Variants in GRM8 observed in about 807,000 individuals in gnomAD.
GRM8 encodes the protein metabotropic glutamate receptor 8.
In GRM8, 47 loss-of-function variants were observed where a neutral mutation model predicts 87.2. That is an observed-to-expected ratio of 0.54 (90% CI 0.43 to 0.69). The LOEUF is 0.69. Ranked by LOEUF, GRM8 falls within the 30% of genes least tolerant of loss-of-function variation. The pLI is 0.00. For missense variants in GRM8, 1,019 were observed against 1,139.2 expected (o/e 0.89, Z 1.52); for synonymous variants, 396 against 404.5 (o/e 0.98, Z 0.25).
At chr7:126,668,279 G>A (rs1806009599) in intron 7 of GRM8, among the ~76,000 whole-genome samples, 1 of 152,142 alleles carries the variant, frequency 6.6e-6, no homozygotes, top group Non-Finnish European at 1.5e-5. Context: ...CCGTAGGACG[G>A]ACAAGGACCC....
intron 2 of GRM8, among the ~76,000 whole-genome samples, chr7:127,223,782 G>A (rs941599070): frequency 6.6e-6 from 1 of 152,024 alleles, no homozygotes; most frequent in Non-Finnish European, 1.5e-5. Flanking sequence ...GGGTTTCAAA[G>A]AGCAACTATA....
chr7:127,247,137 T>C (rs533971772), intron 1 of GRM8, among the ~76,000 whole-genome samples: 1 of 152,304 alleles, frequency 6.6e-6, no homozygotes, highest in South Asian at 2.1e-4. Flanking sequence ...TCTGGGGGCA[T>C]TTCCAGGGAG....
At chr7:127,133,056 T>C in intron 2 of GRM8, among the ~76,000 whole-genome samples, 1 of 152,172 alleles carries the variant, frequency 6.6e-6, no homozygotes, top group East Asian at 1.9e-4. Flanking sequence ...TATCCAAAAG[T>C]TCAAAGCCAG....
At chr7:127,208,096 A>G (rs1166266210) in intron 2 of GRM8, among the ~76,000 whole-genome samples, 3 of 152,162 alleles carry the variant, frequency 2.0e-5, no homozygotes, top group African/African-American at 7.2e-5. Flanking sequence ...TCTCCTAATA[A>G]GAGACCATGG....
At chr7:126,558,636 T>C (rs982293533) in intron 8 of GRM8, among the ~76,000 whole-genome samples, 10 of 152,216 alleles carry the variant, frequency 6.6e-5, no homozygotes, top group African/African-American at 2.2e-4. Context: ...TCTACGAAGA[T>C]AGTTTTTATA....
At chr7:127,248,647 G>A (rs1399836173) in intron 1 of GRM8, among the ~76,000 whole-genome samples, 2 of 152,210 alleles carry the variant, frequency 1.3e-5, no homozygotes, top group African/African-American at 4.8e-5. Context: ...AATATAATGT[G>A]TGTCAAAGTA....
chr7:126,524,759 A>G (rs962878202), intron 9 of GRM8, among the ~76,000 whole-genome samples: 3 of 151,430 alleles, frequency 2.0e-5, no homozygotes, highest in African/African-American at 4.9e-5. Context: ...CTCTGGTTCT[A>G]TGTTTCAGCA....
At chr7:127,097,467 C>T (rs1414547238) in intron 3 of GRM8, among the ~76,000 whole-genome samples, 1 of 152,174 alleles carries the variant, frequency 6.6e-6, no homozygotes, top group African/African-American at 2.4e-5. Context: ...ATCTTAGCCA[C>T]ATATAGTTAA....
chr7:126,652,621 C>G (rs890509516), intron 7 of GRM8, among the ~76,000 whole-genome samples: 6 of 152,162 alleles, frequency 3.9e-5, no homozygotes, highest in South Asian at 2.1e-4. Flanking sequence ...GCTTAGCCTC[C>G]AATCCTACAT....
chr7:126,540,264 T>C (rs1253828229), intron 8 of GRM8, among the ~76,000 whole-genome samples: 2 of 152,056 alleles, frequency 1.3e-5, no homozygotes, highest in African/African-American at 4.8e-5. Context: ...ACTAGGACTA[T>C]TATAATAAAA....
intron 3 of GRM8, among the ~76,000 whole-genome samples, chr7:127,063,940 A>C (rs1820861393): frequency 6.6e-6 from 1 of 152,142 alleles, no homozygotes; most frequent in Non-Finnish European, 1.5e-5. Flanking sequence ...GCTTTGAGTG[A>C]TTTTCAAAGT....
chr7:127,223,435 ACACACACG>A (rs1448869537), intron 2 of GRM8, among the ~76,000 whole-genome samples: 2 of 79,986 alleles, frequency 2.5e-5, no homozygotes, highest in Non-Finnish European at 4.7e-5. Context: ...CACACCACAC[ACACACACG>A]CACACACACA....
chr7:126,747,481 C>A (rs987161162), intron 7 of GRM8, among the ~76,000 whole-genome samples: 1 of 151,912 alleles, frequency 6.6e-6, no homozygotes, highest in African/African-American at 2.4e-5. Flanking sequence ...CCAAACAATC[C>A]ATTTGATGGT....
intron 6 of GRM8, among the ~76,000 whole-genome samples, chr7:126,863,378 C>T (rs893548147): frequency 1.3e-5 from 2 of 152,034 alleles, no homozygotes; most frequent in African/African-American, 4.8e-5. Flanking sequence ...CAAGTATTTA[C>T]CATGTGTTAG....
chr7:126,901,421 A>C (rs1802066390), intron 6 of GRM8, among the ~76,000 whole-genome samples: 1 of 152,130 alleles, frequency 6.6e-6, no homozygotes, highest in South Asian at 2.1e-4. Context: ...TGGAGTGTCC[A>C]TCTCCCCACA....
chr7:126,838,387 A>G (rs1413037162), intron 6 of GRM8, among the ~76,000 whole-genome samples: 2 of 152,234 alleles, frequency 1.3e-5, no homozygotes, highest in Non-Finnish European at 2.9e-5. Context: ...TGCTTATTCA[A>G]CACTGAGGTA....
At chr7:126,552,044 A>G (rs139166100) in intron 8 of GRM8, among the ~76,000 whole-genome samples, 264 of 152,058 alleles carry the variant, frequency 1.7e-3, no homozygotes, top group Middle Eastern at 6.8e-3. Flanking sequence ...ACATGTCTCT[A>G]TTTACTCTTG....
rs115396483 is a variant in GRM8, at chr7:126,970,258, C to A, written c.728-65575G>T. ...GCCAGCATTGACTTCTCCTCCCTAGCTATCAAAGTCCTAGACAACATCTTC... is the reference window on the plus strand; with the variant it reads ...GCCAGCATTGACTTCTCCTCCCTAGATATCAAAGTCCTAGACAACATCTTC... On this transcript the variant is annotated intron_variant, in intron 3 of 10. Transcript: ENST00000339582. 6.2e-3 allele frequency among the ~76,000 whole-genome samples: 948 copies of A among 152,292 alleles called. 11 individuals are homozygous for A. Among genetic ancestry groups the A allele is most frequent in the African/African-American group, 0.021 (891 of 41,564 alleles).
At chr7:126,892,021 T>TAAAAAAAAAAA (rs5887316) in intron 6 of GRM8, among the ~76,000 whole-genome samples, 2 of 95,068 alleles carry the variant, frequency 2.1e-5, no homozygotes, top group Admixed American at 1.2e-4. Flanking sequence ...TCTTGCAGGG[T>TAAAAAAAAAAA]AAAAAAAAAA....
Sources: allele counts gnomAD v4.1 joint callset (sites outside exome capture counted in the v4.1 genomes callset), GRCh38; gene constraint gnomAD v4.1.1; transcripts MANE v1.5; gene names NCBI Gene and HGNC (gene_info 2026-07-23, HGNC 2026-07-21).